UBN2: variants seen among roughly 807,000 people sequenced by gnomAD.
UBN2 encodes ubinuclein-2.
UBN2 carries 35 observed loss-of-function variants against 120.2 expected under a neutral mutation model. The ratio of observed to expected loss-of-function variants is 0.29; its 90% confidence interval spans 0.22 to 0.39. The LOEUF is 0.39. Among genes scored for constraint, UBN2 ranks in the 10% least tolerant of loss-of-function variants. The pLI is 1.00. For synonymous variants in UBN2, 661 were observed against 648.7 expected, an observed-to-expected ratio of 1.02 and a Z score of -0.29; for missense variants, 1,693 against 1,663.2, an observed-to-expected ratio of 1.02 and a Z score of -0.31.
rs1306488041 is a variant in UBN2, at chr7:139,283,010, A to G, written c.2119-14A>G. 4 of 1,509,738 alleles carry G rather than the reference A, an allele frequency of 2.6e-6. No homozygotes were observed. The highest frequency in any genetic ancestry group is 1.8e-4 in the Middle Eastern group (1 of 5,686). The allele number at this position is 1,509,738 out of a possible 1,614,324, so 93.5% of individuals were successfully genotyped here. ...CACCATTTCTATTTTTTTCCATATG[A>G]TGCTTTACATTAGGAGTGTAGTCCA... is the stretch of plus-strand genomic sequence containing the variant. On this transcript the variant is annotated splice_polypyrimidine_tract_variant and intron_variant, in intron 14 of 17. Transcript: ENST00000473989.
intron 8 of UBN2, among the ~76,000 whole-genome samples, chr7:139,271,559 C>T (rs1797275570): frequency 6.7e-6 from 1 of 150,296 alleles, no homozygotes; most frequent in Non-Finnish European, 1.5e-5. Flanking sequence ...GCACTCCAGC[C>T]TGTGTGACAG....
At chr7:139,318,560 T>C in the UBN2 span, among the ~76,000 whole-genome samples, 1 of 152,142 alleles carries the variant, frequency 6.6e-6, no homozygotes, top group Non-Finnish European at 1.5e-5. Context: ...CAGAATGCAG[T>C]GTTGTGATCA....
At chr7:139,281,392 A>T (rs1797603630) in intron 13 of UBN2, among the ~76,000 whole-genome samples, 1 of 152,212 alleles carries the variant, frequency 6.6e-6, no homozygotes, top group African/African-American at 2.4e-5. Context: ...GGAGGAAAGT[A>T]AAAGTATCTA....
At chr7:139,271,779 AAG>A (rs1797282963) in intron 8 of UBN2, among the ~76,000 whole-genome samples, 1 of 152,174 alleles carries the variant, frequency 6.6e-6, no homozygotes, top group Admixed American at 6.5e-5. Context: ...GCACATGAAT[AAG>A]AGTTTTTGGG....
At chr7:139,240,976 C>A (rs942928029) in intron 2 of UBN2, among the ~76,000 whole-genome samples, 31 of 152,180 alleles carry the variant, frequency 2.0e-4, no homozygotes, top group African/African-American at 7.2e-4. Context: ...AGAAAGGAGG[C>A]AGGATACAGG....
At chr7:139,269,959 T>G (rs1797217959) in intron 8 of UBN2, among the ~76,000 whole-genome samples, 1 of 152,080 alleles carries the variant, frequency 6.6e-6, no homozygotes, top group South Asian at 2.1e-4. Flanking sequence ...CAGGCTGGCA[T>G]CATTACCCTG....
Position 139,283,006 on chromosome 7 carries a change from T to C in UBN2, c.2119-18T>C, listed in dbSNP as rs1797659242. 6.7e-7 allele frequency: 1 copy of C among 1,494,538 alleles called. No homozygotes were observed. The highest frequency in any genetic ancestry group is 2.4e-5 in the Admixed American group (1 of 42,370). The allele number at this position is 1,494,538 out of a possible 1,614,324, so 92.6% of individuals were successfully genotyped here. Reference sequence around the variant, plus strand: ...TATTCACCATTTCTATTTTTTTCCATATGATGCTTTACATTAGGAGTGTAG... The same window carrying C: ...TATTCACCATTTCTATTTTTTTCCACATGATGCTTTACATTAGGAGTGTAG... On this transcript the variant is annotated intron_variant, in intron 14 of 17. Transcript: ENST00000473989.
At chr7:139,253,126 A>G (rs1266825480) in intron 3 of UBN2, among the ~76,000 whole-genome samples, 1 of 152,188 alleles carries the variant, frequency 6.6e-6, no homozygotes, top group Non-Finnish European at 1.5e-5. Context: ...AATCCTTTTA[A>G]TGGCTGCTAG....
At chr7:139,282,605 G>A (rs558608148) in intron 14 of UBN2, among the ~76,000 whole-genome samples, 28 of 152,270 alleles carry the variant, frequency 1.8e-4, no homozygotes, top group African/African-American at 6.5e-4. Context: ...GAAAGTGAAG[G>A]TCAGCCTCCT....
In UBN2 at chr7:139,308,074, G is replaced by C. The variant is rs938787763; in HGVS notation, c.*10238G>C. 2 of 150,344 alleles carry C rather than the reference G, an allele frequency of 1.3e-5. No individual in the cohort carries two copies. Among genetic ancestry groups the C allele is most frequent in the Non-Finnish European group, 1.5e-5 (1 of 67,792 alleles). 9.3% of individuals were successfully genotyped at this position (150,344 alleles called of 1,614,324 possible). On this transcript the variant is annotated 3_prime_UTR_variant, in exon 18 of 18. Coordinates refer to ENST00000473989, the MANE Select transcript of UBN2 (RefSeq NM_173569.4). Reference sequence around the variant, plus strand: ...TTGCAACAGCCTTGCTCATATTCCAGGTGTAGCTAGCAAACCCCTGTTTTT... The same window carrying C: ...TTGCAACAGCCTTGCTCATATTCCACGTGTAGCTAGCAAACCCCTGTTTTT...
chr7:139,252,521 G>A (rs941780014), intron 3 of UBN2, among the ~76,000 whole-genome samples: 2 of 151,994 alleles, frequency 1.3e-5, no homozygotes, highest in East Asian at 3.8e-4. Flanking sequence ...AATTTCTTTT[G>A]ATTTTTTTTC....
intron 5 of UBN2, among the ~76,000 whole-genome samples, 163 bp from the exon 6 acceptor site, chr7:139,261,089 A>G (rs1479009812): frequency 1.3e-5 from 2 of 152,222 alleles, no homozygotes; most frequent in African/African-American, 4.8e-5. Flanking sequence ...ATTCCAGATT[A>G]TACTGAAGAA....
intron 6 of UBN2, among the ~76,000 whole-genome samples, chr7:139,265,051 A>T (rs1202871167): frequency 6.6e-6 from 1 of 152,138 alleles, no homozygotes; most frequent in Non-Finnish European, 1.5e-5. Flanking sequence ...GCTATTTTGA[A>T]ATGTGCCATC....
chr7:139,277,194 T>C (rs1797469595), intron 12 of UBN2: 1 of 152,184 alleles, frequency 6.6e-6, no homozygotes, highest in Non-Finnish European at 1.5e-5. Flanking sequence ...AAATTCCTAC[T>C]CTCCTTGTAT....
At chr7:139,237,442 G>A (rs1796194926) in intron 2 of UBN2, among the ~76,000 whole-genome samples, 1 of 152,032 alleles carries the variant, frequency 6.6e-6, no homozygotes, top group South Asian at 2.1e-4. Context: ...GACTACAGGG[G>A]CAACACCACA....
downstream of UBN2, chr7:139,308,289 C>T (rs1052204731): frequency 1.3e-5 from 2 of 152,134 alleles, no homozygotes; most frequent in African/African-American, 2.4e-5. Flanking sequence ...ATCACACTCT[C>T]AGCTGTTGGG....
At chr7:139,263,534 G>A (rs1797000781) in intron 6 of UBN2, among the ~76,000 whole-genome samples, 2 of 152,150 alleles carry the variant, frequency 1.3e-5, no homozygotes, top group South Asian at 2.1e-4. Context: ...AGCACTTTGG[G>A]AGGCCGAGGT....
At chr7:139,312,564 A>C (rs898465704), downstream of UBN2, among the ~76,000 whole-genome samples, 7 of 152,230 alleles carry the variant, frequency 4.6e-5, no homozygotes, top group African/African-American at 1.7e-4. Context: ...TGTTGTGGAC[A>C]TTAATCTCTT....
At chr7:139,267,918 C>G (rs182844043) in intron 7 of UBN2, among the ~76,000 whole-genome samples, 118 of 152,356 alleles carry the variant, frequency 7.7e-4, no homozygotes, top group Non-Finnish European at 1.2e-3. Context: ...ACCCCGGACT[C>G]AGTGAACAGT....
Sources: allele counts gnomAD v4.1 joint callset (sites outside exome capture counted in the v4.1 genomes callset), GRCh38; gene constraint gnomAD v4.1.1; transcripts MANE v1.5; gene names NCBI Gene and HGNC (gene_info 2026-07-23, HGNC 2026-07-21).